EDNRB: variants seen among roughly 807,000 people sequenced by gnomAD.
The protein encoded by EDNRB is Hirschsprung disease 2.
EDNRB carries 18 observed loss-of-function variants against 46.4 expected under a neutral mutation model. The ratio of observed to expected loss-of-function variants is 0.39; its 90% confidence interval spans 0.27 to 0.57. The LOEUF is 0.57. Among genes scored for constraint, EDNRB ranks in the 20% least tolerant of loss-of-function variants. EDNRB has a pLI of 0.61. For synonymous variants in EDNRB, 213 were observed against 204.9 expected, an observed-to-expected ratio of 1.04 and a Z score of -0.34; for missense variants, 434 against 537.5, an observed-to-expected ratio of 0.81 and a Z score of 1.90.
intron 1 of EDNRB, among the ~76,000 whole-genome samples, chr13:77,943,843 T>G (rs950069303): frequency 2.0e-5 from 3 of 152,076 alleles, no homozygotes; most frequent in Non-Finnish European, 4.4e-5. Context: ...AGTAAATAGA[T>G]TTTTCTAGAA....
intron 1 of EDNRB, among the ~76,000 whole-genome samples, chr13:77,928,304 T>A (rs957492317): frequency 6.6e-6 from 1 of 152,328 alleles, no homozygotes; most frequent in East Asian, 1.9e-4. Flanking sequence ...TGTTAACCAC[T>A]GTCTTATATC....
At chr13:77,903,745 T>C (rs1463087212) in intron 1 of EDNRB, 138 bp from the exon 2 acceptor site, 1 of 743,086 alleles carries the variant, frequency 1.3e-6, no homozygotes, top group Non-Finnish European at 2.3e-6. Context: ...ACTACTTCTT[T>C]GAAAAGCACC....
At chr13:77,948,804 A>G (rs1371412502) in intron 1 of EDNRB, among the ~76,000 whole-genome samples, 1 of 152,198 alleles carries the variant, frequency 6.6e-6, no homozygotes, top group East Asian at 1.9e-4. Flanking sequence ...AGTTGGTGAG[A>G]TGAAATTAAT....
upstream of EDNRB, chr13:77,919,660 C>T (rs200852796): frequency 2.6e-6 from 4 of 1,532,984 alleles, no homozygotes; most frequent in African/African-American, 4.1e-5. Flanking sequence ...CCGCGCCTTC[C>T]GACCCCGCTG....
rs200739618 is a variant in EDNRB at position 77,895,794 on chromosome 13, T to C, written c.*2406A>G. ...TAAAGTTAGCTACAGCATACCCATGTTTTGCTATAAACTGTATTCCTTTGG... is the reference window on the plus strand; with the variant it reads ...TAAAGTTAGCTACAGCATACCCATGCTTTGCTATAAACTGTATTCCTTTGG... On this transcript the variant is annotated 3_prime_UTR_variant, in exon 7 of 7. Transcript: ENST00000646607. 29 of 152,170 alleles carry C rather than the reference T, an allele frequency of 1.9e-4. No homozygotes were observed. Among genetic ancestry groups the C allele is most frequent in the African/African-American group, 7.0e-4 (29 of 41,556 alleles). 9.4% of individuals were successfully genotyped at this position (152,170 alleles called of 1,614,324 possible).
chr13:77,914,930 G>A (rs867572641), intron 1 of EDNRB, among the ~76,000 whole-genome samples: 12 of 152,148 alleles, frequency 7.9e-5, no homozygotes, highest in African/African-American at 2.6e-4. Context: ...TGGGCCTCTG[G>A]GCCCTTAGTG....
At chr13:77,936,790 C>T (rs879363781) in intron 1 of EDNRB, among the ~76,000 whole-genome samples, 9 of 152,218 alleles carry the variant, frequency 5.9e-5, no homozygotes, top group Non-Finnish European at 1.2e-4. Context: ...GAAGCAAGAT[C>T]CTGATGGAGG....
upstream of EDNRB, chr13:77,918,991 C>G (rs1192055038): frequency 9.4e-6 from 9 of 960,448 alleles, no homozygotes; most frequent in Non-Finnish European, 1.2e-5. The surrounding 1 kb of genome is among the most constrained non-coding windows in gnomAD (Gnocchi z 4.5). Flanking sequence ...GCGTGGGAAC[C>G]GCGGAATTAA....
At chr13:77,965,519 T>C (rs1408810253) in intron 1 of EDNRB, among the ~76,000 whole-genome samples, 1 of 152,210 alleles carries the variant, frequency 6.6e-6, no homozygotes, top group Non-Finnish European at 1.5e-5. Context: ...TTAGTAAATG[T>C]AATTCTGTTA....
intron 1 of EDNRB, among the ~76,000 whole-genome samples, chr13:77,935,013 T>C (rs370978625): frequency 0.036 from 4,151 of 114,314 alleles, 405 homozygotes; most frequent in East Asian, 0.23. Flanking sequence ...GATTGAAGTC[T>C]GGGCCAGAAA....
At chr13:77,960,372 G>A (rs1013682115) in intron 1 of EDNRB, among the ~76,000 whole-genome samples, 1 of 152,158 alleles carries the variant, frequency 6.6e-6, no homozygotes, top group Non-Finnish European at 1.5e-5. Flanking sequence ...AAGAGAGTGG[G>A]GGCCAATATT....
chr13:77,961,556 G>T (rs1156723603), intron 1 of EDNRB, among the ~76,000 whole-genome samples: 2 of 152,190 alleles, frequency 1.3e-5, no homozygotes, highest in Non-Finnish European at 2.9e-5. Flanking sequence ...AATGAAGGCA[G>T]AAATAAAGAT....
At chr13:77,919,512 C>A (rs769041240), upstream of EDNRB, 1 of 1,612,816 alleles carries the variant, frequency 6.2e-7, no homozygotes, top group East Asian at 2.2e-5. Flanking sequence ...CCTTGAGCTG[C>A]AGGCGGGTCC....
intron 1 of EDNRB, among the ~76,000 whole-genome samples, chr13:77,967,996 A>T (rs1360611438): frequency 6.6e-6 from 1 of 152,152 alleles, no homozygotes; most frequent in Non-Finnish European, 1.5e-5. Flanking sequence ...AACTGAAAAG[A>T]CTGTGTGCCA....
chr13:77,956,907 G>T (rs1394611848), intron 1 of EDNRB, among the ~76,000 whole-genome samples: 2 of 152,142 alleles, frequency 1.3e-5, no homozygotes, highest in East Asian at 3.9e-4. Flanking sequence ...GGCCTATCCA[G>T]ATAATTCAGT....
intron 1 of EDNRB, among the ~76,000 whole-genome samples, chr13:77,955,845 GTATCTATCTATCTATCTATCTATC>G (rs61434836): frequency 4.1e-5 from 6 of 145,738 alleles, no homozygotes; most frequent in East Asian, 2.0e-4. Flanking sequence ...ATGTGTGTGT[GTATCTATCTATCTATCTATCTATC>G]TATCTATCTA....
At chr13:77,908,830 T>C (rs545170886) in intron 1 of EDNRB, among the ~76,000 whole-genome samples, 23 of 152,152 alleles carry the variant, frequency 1.5e-4, no homozygotes, top group Admixed American at 1.5e-3. Context: ...TGACACTATG[T>C]CGCTTCCACA....
chr13:77,956,007 T>G (rs1881228281), intron 1 of EDNRB, among the ~76,000 whole-genome samples: 1 of 152,172 alleles, frequency 6.6e-6, no homozygotes, highest in African/African-American at 2.4e-5. Context: ...TTTGTGTATT[T>G]GGGGTCTTTT....
chr13:77,921,560 A>G (rs1210925984), upstream of EDNRB, among the ~76,000 whole-genome samples: 1 of 152,220 alleles, frequency 6.6e-6, no homozygotes, highest in Admixed American at 6.5e-5. Context: ...ATGCATGTCT[A>G]AATGGTTACA....
Sources: allele counts gnomAD v4.1 joint callset (sites outside exome capture counted in the v4.1 genomes callset), GRCh38; gene constraint gnomAD v4.1.1; non-coding constraint Gnocchi (gnomAD v3.1); transcripts MANE v1.5; gene names NCBI Gene and HGNC (gene_info 2026-07-23, HGNC 2026-07-21).